Variants in RAB27A observed in about 807,000 individuals in gnomAD.
The protein encoded by RAB27A is ras-related protein Rab-27A.
A neutral mutation model predicts 20.8 loss-of-function variants in RAB27A; 17 were observed. The observed-to-expected ratio is 0.82, with a 90% CI of 0.56 to 1.23. The LOEUF is 1.23. RAB27A is among the 50% of genes most tolerant of loss of function. The probability of loss-of-function intolerance (pLI) is 0.00; values close to 1 mark genes in which losing one functional copy is unlikely to be tolerated. For missense variants in RAB27A, 277 were observed against 266.7 expected, an observed-to-expected ratio of 1.04 and a Z score of -0.27; for synonymous variants, 85 against 92.8, an observed-to-expected ratio of 0.92 and a Z score of 0.48.
chr15:55,252,217 AG>A (rs1348179555), intron 2 of RAB27A, among the ~76,000 whole-genome samples: 1 of 152,126 alleles, frequency 6.6e-6, no homozygotes, highest in East Asian at 1.9e-4. Context: ...AGACCGGGGG[AG>A]GGTGGTGAGG....
intron 1 of RAB27A, 40 bp from the exon 2 acceptor site, chr15:55,270,324 C>T (rs1442654730): frequency 6.6e-6 from 1 of 152,118 alleles, no homozygotes; most frequent in Admixed American, 6.6e-5. Flanking sequence ...GTCAGAATGG[C>T]CTACTTAAAA....
At chr15:55,307,423 T>TGTTG (rs2055002456) in intron 2 of RAB27A, among the ~76,000 whole-genome samples, 2 of 152,058 alleles carry the variant, frequency 1.3e-5, no homozygotes, top group Non-Finnish European at 2.9e-5. Context: ...TTAGCTTGTT[T>TGTTG]AGATGTCGTT....
intron 2 of RAB27A, among the ~76,000 whole-genome samples, chr15:55,250,684 G>T (rs1896855998): frequency 6.6e-6 from 1 of 152,166 alleles, no homozygotes; most frequent in Non-Finnish European, 1.5e-5. Context: ...TCTTTGGGAA[G>T]TTTGTTGTCT....
intron 2 of RAB27A, among the ~76,000 whole-genome samples, chr15:55,256,002 C>A (rs1354644055): frequency 2.0e-5 from 3 of 152,102 alleles, no homozygotes; most frequent in Non-Finnish European, 4.4e-5. Flanking sequence ...ATTTATCTAG[C>A]AAGATTATTG....
At chr15:55,249,068 G>A (rs1896793424) in intron 2 of RAB27A, 1 of 152,178 alleles carries the variant, frequency 6.6e-6, no homozygotes, top group Admixed American at 6.5e-5. Flanking sequence ...TCTATCAGCA[G>A]CTGTTTATAG....
At chr15:55,263,573 T>C (rs1897351341) in intron 2 of RAB27A, among the ~76,000 whole-genome samples, 1 of 152,204 alleles carries the variant, frequency 6.6e-6, no homozygotes, top group Non-Finnish European at 1.5e-5. Context: ...ACCTAGAAAG[T>C]AGGGCACTAG....
At chr15:55,253,569 C>T (rs1458479468) in intron 2 of RAB27A, among the ~76,000 whole-genome samples, 3 of 152,178 alleles carry the variant, frequency 2.0e-5, no homozygotes, top group Non-Finnish European at 4.4e-5. Context: ...CCCCCAAGGC[C>T]ATACCTTGTC....
At chr15:55,288,938 T>C (rs1898232792) in intron 1 of RAB27A, 1 of 152,134 alleles carries the variant, frequency 6.6e-6, no homozygotes, top group South Asian at 2.1e-4. Flanking sequence ...AATTCCAACA[T>C]CTGACTGATC....
In RAB27A at chr15:55,205,505, T is replaced by C. The variant is rs1438385754; in HGVS notation, c.*2A>G. 6.2e-7 allele frequency: 1 copy of C among 1,614,078 alleles called. No homozygotes were observed. The highest frequency in any genetic ancestry group is 1.7e-5 in the Admixed American group (1 of 60,026). The stretch of plus-strand genomic sequence containing the variant: ...GAACTACTATGTCGCTTACTTGACT[T>C]CTCAACAGCCACATGCCCCTTTCTC... On this transcript the variant is annotated 3_prime_UTR_variant, in exon 7 of 7. Coordinates refer to ENST00000336787, the MANE Select transcript of RAB27A (RefSeq NM_183235.3).
chr15:55,243,566 G>C (rs912784373), intron 2 of RAB27A, among the ~76,000 whole-genome samples: 8 of 151,136 alleles, frequency 5.3e-5, no homozygotes, highest in South Asian at 2.1e-4. Flanking sequence ...TGAGGCAAGA[G>C]AATAACATCG....
intron 2 of RAB27A, among the ~76,000 whole-genome samples, chr15:55,236,797 AAGGTATT>A (rs1489053373): frequency 3.3e-5 from 5 of 152,148 alleles, no homozygotes; most frequent in African/African-American, 1.2e-4. Flanking sequence ...TGATCACATG[AAGGTATT>A]TAGGGTATTT....
chr15:55,293,290 G>A (rs1047076494), upstream of RAB27A, among the ~76,000 whole-genome samples: 5 of 151,916 alleles, frequency 3.3e-5, no homozygotes, highest in East Asian at 5.8e-4. Context: ...AAGTAGCTAC[G>A]AGTACACTTA....
intron 1 of RAB27A, among the ~76,000 whole-genome samples, chr15:55,316,645 C>T (rs1434167435): frequency 6.6e-6 from 1 of 151,396 alleles, no homozygotes; most frequent in East Asian, 1.9e-4. Flanking sequence ...AAAGTAATAC[C>T]AATTCTTAGT....
chr15:55,301,405 G>A (rs971457270), intron 2 of RAB27A, among the ~76,000 whole-genome samples: 4 of 152,120 alleles, frequency 2.6e-5, no homozygotes, highest in African/African-American at 4.8e-5. Flanking sequence ...TAGTTTGGAT[G>A]CAGTATCATA....
chr15:55,221,701 G>T (rs773964389), intron 6 of RAB27A, among the ~76,000 whole-genome samples: 1 of 152,082 alleles, frequency 6.6e-6, no homozygotes, highest in African/African-American at 2.4e-5. Flanking sequence ...GGCAATTTTG[G>T]GGGTAGGAAG....
Position 55,230,382 on chromosome 15 carries a change from A to C in RAB27A, c.239+19T>G, listed in dbSNP as rs1481724263. ...TTCCCTTTCCTTCAGTAAGGAGCAC[A>C]TAACTGAAGATCTCATACCTCTCCT... On this transcript the variant is annotated intron_variant, in intron 4 of 6. Coordinates refer to ENST00000336787, the MANE Select transcript of RAB27A (RefSeq NM_183235.3). The C allele has an allele frequency of 1.9e-6, 3 of 1,578,660 alleles. No individual in the cohort carries two copies. Among genetic ancestry groups the C allele is most frequent in the African/African-American group, 1.3e-5 (1 of 74,074 alleles).
At position 55,308,252 on chromosome 15, in the gene RAB27A, C is replaced by T. The variant is rs374090255; in HGVS notation, c.-112+5787G>A. ...GTCACTTCTTTAGGTTGCTGTACAG[C>T]GAATAATAATCTCCTAATGGCTTCC... On this transcript the variant is annotated intron_variant, in intron 2 of 5. Coordinates refer to the RAB27A transcript ENST00000563262. Among the ~76,000 whole-genome samples, 48 of 152,252 alleles carry T rather than the reference C, an allele frequency of 3.2e-4. No individual in the cohort carries two copies. In the East Asian group the frequency reaches 6.0e-3, roughly 19 times the overall value.
At chr15:55,274,067 A>G (rs1394845555) in intron 1 of RAB27A, among the ~76,000 whole-genome samples, 2 of 152,210 alleles carry the variant, frequency 1.3e-5, no homozygotes, top group Non-Finnish European at 2.9e-5. Flanking sequence ...CCACACCGAT[A>G]TGTAACTAGA....
chr15:55,273,336 G>A (rs556126236), intron 1 of RAB27A, among the ~76,000 whole-genome samples: 3 of 151,428 alleles, frequency 2.0e-5, no homozygotes, highest in African/African-American at 7.3e-5. Context: ...TTGAACCCGG[G>A]AGGCGGAGGT....
Sources: allele counts gnomAD v4.1 joint callset (sites outside exome capture counted in the v4.1 genomes callset), GRCh38; gene constraint gnomAD v4.1.1; transcripts MANE v1.5; gene names NCBI Gene and HGNC (gene_info 2026-07-23, HGNC 2026-07-21).